MYH10: variants seen among roughly 807,000 people sequenced by gnomAD.
The protein encoded by MYH10 is myosin heavy chain 10, also known as myosin-10.
MYH10 carries 55 observed loss-of-function variants against 257.8 expected under a neutral mutation model. That is an observed-to-expected ratio of 0.21 (90% CI 0.17 to 0.27). The LOEUF (loss-of-function observed/expected upper bound fraction) is 0.27. MYH10 is among the 10% of genes least tolerant of loss of function. MYH10 has a pLI of 1.00. For missense variants in MYH10, 1,631 were observed against 2,500.6 expected (o/e 0.65, Z 7.42); for synonymous variants, 854 against 921.7 (o/e 0.93, Z 1.33).
Position 8,495,113 on chromosome 17 carries a change from G to A in MYH10, c.4056+24C>T, listed in dbSNP as rs1261241094. 3 of 1,367,332 alleles carry A rather than the reference G, an allele frequency of 2.2e-6. No individual in the cohort carries two copies. In the South Asian group the frequency reaches 3.5e-5, roughly 16 times the overall value. 84.7% of individuals were successfully genotyped at this position (1,367,332 alleles called of 1,614,324 possible). The stretch of plus-strand genomic sequence containing the variant: ...TTACAGAAATGTTAGTTATTATAAA[G>A]ACCCCTTGCTCCCCAGGGAATACCT... On this transcript the variant is annotated intron_variant, in intron 31 of 42. Transcript: ENST00000360416.
intron 16 of MYH10, among the ~76,000 whole-genome samples, chr17:8,532,773 AG>A (rs1254654234): frequency 6.6e-6 from 1 of 152,248 alleles, no homozygotes; most frequent in Non-Finnish European, 1.5e-5. Flanking sequence ...CTTGGGAGGC[AG>A]GGGACATGTC....
rs1915543605 is a variant in MYH10, at chr17:8,490,177, TTAAA to T, written c.4884+159_4884+162del. The T allele has an allele frequency of 4.8e-6, 3 of 623,700 alleles. No individual in the cohort carries two copies. The highest frequency in any genetic ancestry group is 1.8e-5 in the African/African-American group (1 of 54,318). 38.6% of individuals were successfully genotyped at this position (623,700 alleles called of 1,614,324 possible). A position where few individuals can be genotyped will look rare whatever the true frequency, so the allele number is the denominator to read the frequency against. On this transcript the variant is annotated intron_variant, in intron 35 of 42. Coordinates refer to ENST00000360416, the MANE Select transcript of MYH10 (RefSeq NM_001256012.3). This position sits in a 1 kb window ranked among gnomAD's most constrained non-coding sequence, Gnocchi z 4.1. ...AGACCTAAACTAATTACAATAAAAT[TTAAA>T]TAATAAAATTCTCAAATGACCAAAT...
At chr17:8,513,717 T>C (rs777257140) in intron 22 of MYH10, 48 bp from the exon 23 acceptor site, 2 of 1,609,312 alleles carry the variant, frequency 1.2e-6, no homozygotes, top group African/African-American at 2.7e-5. Context: ...TCCAGCTCTT[T>C]CCTATGGGTT....
intron 25 of MYH10, among the ~76,000 whole-genome samples, chr17:8,509,592 C>T (rs2081191026): frequency 1.3e-5 from 2 of 152,070 alleles, no homozygotes; most frequent in Admixed American, 1.3e-4. Context: ...TGTTACAAGT[C>T]TAAAAGATTA....
At chr17:8,481,179 G>T in intron 38 of MYH10, 143 bp downstream of exon 38, 2 of 657,254 alleles carry the variant, frequency 3.0e-6, no homozygotes, top group East Asian at 3.2e-5. Context: ...GGACTGGCAC[G>T]GGGTACCATG....
chr17:8,489,673 C>G (rs985510901), intron 35 of MYH10, among the ~76,000 whole-genome samples: 2 of 139,388 alleles, frequency 1.4e-5, no homozygotes, highest in African/African-American at 5.5e-5. Context: ...CACTGCACTC[C>G]AGCCTGGGTG....
chr17:8,517,666 C>T (rs1431886659), intron 21 of MYH10, among the ~76,000 whole-genome samples: 1 of 152,316 alleles, frequency 6.6e-6, no homozygotes, highest in African/African-American at 2.4e-5. Flanking sequence ...AGACAGCTTC[C>T]CAACTGGCCC....
chr17:8,517,089 C>T (rs981990387), intron 21 of MYH10, among the ~76,000 whole-genome samples: 7 of 152,016 alleles, frequency 4.6e-5, no homozygotes, highest in African/African-American at 7.3e-5. Flanking sequence ...TGCAGTGAGC[C>T]GAGGTCGCGC....
intron 9 of MYH10, 28 bp from the exon 10 acceptor site, chr17:8,548,815 T>C (rs778694078): frequency 1.7e-5 from 27 of 1,582,146 alleles, no homozygotes; most frequent in Non-Finnish European, 2.3e-5. Flanking sequence ...GGAAGAAAAT[T>C]TGATAAATAC....
At chr17:8,556,163 C>CA (rs2082786535) in intron 7 of MYH10, among the ~76,000 whole-genome samples, 1 of 152,210 alleles carries the variant, frequency 6.6e-6, no homozygotes, top group African/African-American at 2.4e-5. Context: ...CTAGAACTAT[C>CA]AGACAACCCT....
rs1368396810 is a variant in MYH10 at position 8,514,003 on chromosome 17, A to T, written c.2505-109T>A. On this transcript the variant is annotated intron_variant, in intron 21 of 42. Coordinates refer to ENST00000360416, the MANE Select transcript of MYH10 (RefSeq NM_001256012.3). ...GTGTTCTTCTTTGTCTAGGATAGGGAATGATTGCATCAATCAAGTCCTGGG... is the reference window on the plus strand; with the variant it reads ...GTGTTCTTCTTTGTCTAGGATAGGGTATGATTGCATCAATCAAGTCCTGGG... 1.6e-5 allele frequency: 15 copies of T among 933,766 alleles called. No homozygotes were observed. The East Asian group carries it at 3.7e-4, about 23-fold the overall frequency. 57.8% of individuals were successfully genotyped at this position (933,766 alleles called of 1,614,324 possible). A position where few individuals can be genotyped will look rare whatever the true frequency, so the allele number is the denominator to read the frequency against.
In MYH10 at chr17:8,559,412, TATAA is replaced by T. The variant is rs2082911895; in HGVS notation, c.757-5398_757-5395del. On this transcript the variant is annotated intron_variant, in intron 7 of 42. Transcript: ENST00000360416. Reference sequence around the variant, plus strand: ...AAAGACAATGCAATATTTGGGGTGATATAATAAATAAATTAAAAGATGAAGCAAT... The same window carrying T: ...AAAGACAATGCAATATTTGGGGTGATTAAATAAATTAAAAGATGAAGCAAT... 3.0e-4 allele frequency among the ~76,000 whole-genome samples: 3 copies of T among 9,936 alleles called. No homozygotes were observed. The Non-Finnish European group carries it at 0.037, about 124-fold the overall frequency. The allele number at this position is 9,936 out of a possible 152,430, so 6.5% of individuals were successfully genotyped here. A position where few individuals can be genotyped will look rare whatever the true frequency, so the allele number is the denominator to read the frequency against.
At chr17:8,479,277 G>C (rs1597588652) in intron 40 of MYH10, among the ~76,000 whole-genome samples, 1 of 152,164 alleles carries the variant, frequency 6.6e-6, no homozygotes, top group Non-Finnish European at 1.5e-5. Flanking sequence ...TCTTTGGTTA[G>C]AGGTGAAACA....
chr17:8,476,789 G>A (rs936357779), intron 42 of MYH10, 87 bp downstream of exon 42: 5 of 1,426,224 alleles, frequency 3.5e-6, no homozygotes, highest in African/African-American at 2.8e-5. Flanking sequence ...ATGGATCTAA[G>A]TAAACTTCCT....
chr17:8,511,039 T>TAC lies in MYH10; in HGVS notation c.2953-1091_2953-1090insGT, dbSNP rs1567823278. ...CCATATATATATATATATATATATA[T>TAC]ATATATATATATATATATATACACA... On this transcript the variant is annotated intron_variant, in intron 24 of 42. Transcript: ENST00000360416. 32 of 8,480 alleles carry TAC rather than the reference T, an allele frequency of 3.8e-3. No individual in the cohort carries two copies. In the East Asian group the frequency reaches 0.047, roughly 13 times the overall value. 0.5% of individuals were successfully genotyped at this position (8,480 alleles called of 1,614,324 possible). A position where few individuals can be genotyped will look rare whatever the true frequency, so the allele number is the denominator to read the frequency against.
rs771109363 is a variant in MYH10, at chr17:8,495,194, C to T, written c.3999G>A (p.Lys1333=). 8.1e-6 allele frequency: 13 copies of T among 1,613,604 alleles called. No homozygotes were observed. The South Asian group carries it at 1.2e-4, about 15-fold the overall frequency. The stretch of plus-strand genomic sequence containing the variant: ...CTGCATCCTTAGCAAATTTAATACC[C>T]TTCTTCTCTGCTTCTTCCAGAAGGG... ...VSTLLEEAEK[K]GIKFAKDAAS... Residue 1333 remains lysine (K), a synonymous_variant, in exon 31 of 43, where the codon AAG becomes AAA. Coordinates refer to ENST00000360416, the MANE Select transcript of MYH10 (RefSeq NM_001256012.3).
Position 8,492,668 on chromosome 17 carries a change from T to C in MYH10, c.4458+108A>G, listed in dbSNP as rs1213738778. 2.2e-6 allele frequency: 3 copies of C among 1,354,154 alleles called. No homozygotes were observed. In the African/African-American group the frequency reaches 4.5e-5, roughly 20 times the overall value. The allele number at this position is 1,354,154 out of a possible 1,614,324, so 83.9% of individuals were successfully genotyped here. Reference sequence around the variant, plus strand: ...TTTTTTGCTTTCCCTTTTTCCAATTTTGATATAAACATGTATCACATTTAA... The same window carrying C: ...TTTTTTGCTTTCCCTTTTTCCAATTCTGATATAAACATGTATCACATTTAA... On this transcript the variant is annotated intron_variant, in intron 33 of 42. Transcript: ENST00000360416.
chr17:8,591,048 GT>G (rs2152050288), intron 3 of MYH10, among the ~76,000 whole-genome samples: 1 of 151,550 alleles, frequency 6.6e-6, no homozygotes, highest in African/African-American at 2.4e-5. Context: ...AATTTTTTGT[GT>G]TTTTAGTAGA....
intron 13 of MYH10, 44 bp from the exon 14 acceptor site, chr17:8,542,324 G>C (rs2082311572): frequency 3.2e-6 from 5 of 1,550,212 alleles, no homozygotes; most frequent in Admixed American, 1.7e-5. Flanking sequence ...GGGAGGTGGA[G>C]GGAAAATGGG....
Sources: allele counts gnomAD v4.1 joint callset (sites outside exome capture counted in the v4.1 genomes callset), GRCh38; gene constraint gnomAD v4.1.1; non-coding constraint Gnocchi (gnomAD v3.1); transcripts MANE v1.5; gene names NCBI Gene and HGNC (gene_info 2026-07-23, HGNC 2026-07-21).